Variants in VEPH1 observed in about 807,000 individuals in gnomAD.
VEPH1 encodes the protein ventricular zone expressed PH domain containing 1.
In VEPH1, 80 loss-of-function variants were observed where a neutral mutation model predicts 85.2. The ratio of observed to expected loss-of-function variants is 0.94; its 90% confidence interval spans 0.78 to 1.13. The LOEUF (loss-of-function observed/expected upper bound fraction) is 1.13. Among genes scored for constraint, VEPH1 ranks in the 50% most tolerant of loss-of-function variants. The probability of loss-of-function intolerance (pLI) is 0.00; values close to 1 mark genes in which losing one functional copy is unlikely to be tolerated. For missense variants in VEPH1, 955 were observed against 980.5 expected (o/e 0.97, Z 0.35); for synonymous variants, 297 against 348.0 (o/e 0.85, Z 1.63).
chr3:157,300,016 C>G (rs939385870), intron 11 of VEPH1, among the ~76,000 whole-genome samples: 2 of 152,144 alleles, frequency 1.3e-5, no homozygotes, highest in African/African-American at 2.4e-5. Flanking sequence ...GTAAGGCACA[C>G]AGGAGTTAGA....
chr3:157,438,029 G>GCACACA (rs1242214371), intron 4 of VEPH1: 1 of 844,824 alleles, frequency 1.2e-6, no homozygotes, highest in African/African-American at 2.2e-5. Flanking sequence ...AAGCGCGCGC[G>GCACACA]CGCGCGCGCA....
chr3:157,485,141 T>C (rs1292088237), intron 2 of VEPH1, among the ~76,000 whole-genome samples: 1 of 152,220 alleles, frequency 6.6e-6, no homozygotes, highest in Non-Finnish European at 1.5e-5. Flanking sequence ...TATACCATGA[T>C]GCTATTCTGC....
intron 6 of VEPH1, among the ~76,000 whole-genome samples, chr3:157,396,703 CT>C (rs1230925180): frequency 1.3e-5 from 2 of 152,048 alleles, no homozygotes; most frequent in African/African-American, 4.8e-5. Context: ...TGATGTTGAG[CT>C]TTTTTTCGTA....
intron 4 of VEPH1, chr3:157,436,888 A>T: frequency 6.2e-7 from 1 of 1,600,044 alleles, no homozygotes. Flanking sequence ...CTCACTTGAG[A>T]GTCTCCTCCC....
chr3:157,502,818 A>T (rs1740219610), intron 1 of VEPH1, among the ~76,000 whole-genome samples: 2 of 152,252 alleles, frequency 1.3e-5, no homozygotes, highest in African/African-American at 4.8e-5. Context: ...AGCAACAAAC[A>T]GTAATGGTGA....
intron 4 of VEPH1, chr3:157,437,086 TCTG>T (rs1235120925): frequency 1.2e-6 from 2 of 1,611,686 alleles, no homozygotes; most frequent in Non-Finnish European, 1.7e-6. Context: ...TAACTGTTTC[TCTG>T]CTAACCCTGA....
rs555400644 is a variant in VEPH1, at chr3:157,399,431, A to G, written c.906+14450T>C. Among the ~76,000 whole-genome samples, 10 of 152,294 alleles carry G rather than the reference A, an allele frequency of 6.6e-5. No individual in the cohort carries two copies. In the East Asian group the frequency reaches 1.9e-3, roughly 29 times the overall value. On this transcript the variant is annotated intron_variant, in intron 6 of 13. Transcript: ENST00000362010. ...GACCTGAACCCAAATTTAGCTCATTATTTTAGATATCTAGATATCTATATC... is the reference window on the plus strand; with the variant it reads ...GACCTGAACCCAAATTTAGCTCATTGTTTTAGATATCTAGATATCTATATC...
chr3:157,452,812 C>T (rs989532717), intron 4 of VEPH1, among the ~76,000 whole-genome samples: 13 of 152,234 alleles, frequency 8.5e-5, no homozygotes, highest in African/African-American at 3.1e-4. Flanking sequence ...AGCTTGCTCA[C>T]TTACAAAATG....
chr3:157,501,207 T>C (rs1379906625), intron 1 of VEPH1, among the ~76,000 whole-genome samples: 1 of 152,216 alleles, frequency 6.6e-6, no homozygotes, highest in Non-Finnish European at 1.5e-5. Context: ...ATCTTAGTCA[T>C]CCTGTCCTTA....
intron 3 of VEPH1, among the ~76,000 whole-genome samples, chr3:157,466,060 T>C (rs1308572012): frequency 2.0e-5 from 3 of 152,330 alleles, no homozygotes; most frequent in African/African-American, 7.2e-5. Flanking sequence ...CTCTAGAACT[T>C]CATTCTAGAA....
At chr3:157,433,657 A>C (rs1043641574) in intron 4 of VEPH1, among the ~76,000 whole-genome samples, 1 of 152,226 alleles carries the variant, frequency 6.6e-6, no homozygotes, top group Non-Finnish European at 1.5e-5. Context: ...TGTTGCATCA[A>C]CATTCTTAAT....
chr3:157,420,230 C>T (rs1161364837), intron 5 of VEPH1, among the ~76,000 whole-genome samples: 2 of 151,978 alleles, frequency 1.3e-5, no homozygotes, highest in Non-Finnish European at 2.9e-5. Flanking sequence ...GCATGCTTGG[C>T]TTAATACCCA....
intron 3 of VEPH1, among the ~76,000 whole-genome samples, chr3:157,469,858 A>T (rs1275369584): frequency 6.6e-6 from 1 of 152,208 alleles, no homozygotes; most frequent in African/African-American, 2.4e-5. Flanking sequence ...AAATATCATC[A>T]TGAAAAATTC....
chr3:157,396,762 G>A (rs1326034846), intron 6 of VEPH1, among the ~76,000 whole-genome samples: 2 of 151,818 alleles, frequency 1.3e-5, no homozygotes, highest in African/African-American at 4.8e-5. Context: ...GGCTATTCAT[G>A]TTCTTTGTCC....
intron 4 of VEPH1, among the ~76,000 whole-genome samples, chr3:157,453,463 G>A (rs1577693966): frequency 6.6e-6 from 1 of 152,146 alleles, no homozygotes; most frequent in Non-Finnish European, 1.5e-5. Context: ...GCTTAATACA[G>A]TACCTGGCAT....
intron 2 of VEPH1, among the ~76,000 whole-genome samples, chr3:157,473,434 A>G (rs1737160660): frequency 6.6e-6 from 1 of 152,036 alleles, no homozygotes; most frequent in South Asian, 2.1e-4. Flanking sequence ...TAAATTTTCA[A>G]TTCATCATCT....
rs1302739080 is a variant in VEPH1, at chr3:157,260,267, T to A, written c.*867A>T. On this transcript the variant is annotated 3_prime_UTR_variant, in exon 14 of 14. Transcript: ENST00000362010. ...TATTGAGAATCACTCTAGAATTCTG[T>A]CTATCATAGTGTAATTATATATCTA... The A allele has an allele frequency of 4.6e-5, 7 of 152,174 alleles. No homozygotes were observed. The highest frequency in any genetic ancestry group is 4.6e-4 in the Admixed American group (7 of 15,258). The allele number at this position is 152,174 out of a possible 1,614,324, so 9.4% of individuals were successfully genotyped here.
intron 10 of VEPH1, 63 bp from the exon 11 acceptor site, chr3:157,313,818 T>G: frequency 6.3e-7 from 1 of 1,586,084 alleles, no homozygotes; most frequent in Non-Finnish European, 8.6e-7. Flanking sequence ...TATTGTTTGA[T>G]TGATTTCAAG....
At chr3:157,265,502 G>A in intron 13 of VEPH1, 24 bp downstream of exon 13, 3 of 1,607,718 alleles carry the variant, frequency 1.9e-6, no homozygotes, top group Non-Finnish European at 1.7e-6. Context: ...AAATGCAAGT[G>A]TAAAAGATGA....
Sources: gnomAD v4.1 joint callset for allele counts (sites outside exome capture counted in the v4.1 genomes callset) on GRCh38, gnomAD v4.1.1 for gene constraint, MANE v1.5 for transcripts, NCBI Gene and HGNC (gene_info 2026-07-23, HGNC 2026-07-21) for gene names.